WRAP53: variants seen among roughly 807,000 people sequenced by gnomAD.
WRAP53 encodes telomerase Cajal body protein 1.
WRAP53 carries 28 observed loss-of-function variants against 56.6 expected under a neutral mutation model. That is an observed-to-expected ratio of 0.50 (90% CI 0.37 to 0.68). The LOEUF (loss-of-function observed/expected upper bound fraction) is 0.68. WRAP53 is among the 30% of genes least tolerant of loss of function. The pLI is 0.00. For missense variants in WRAP53, 671 were observed against 715.5 expected (o/e 0.94, Z 0.71); for synonymous variants, 283 against 283.4 (o/e 1.00, Z 0.01).
At position 7,702,469 on chromosome 17, in the gene WRAP53, G is replaced by A. The variant is rs760476968; in HGVS notation, c.1081G>A (p.Ala361Thr). 11 of 1,613,896 alleles carry A rather than the reference G, an allele frequency of 6.8e-6. No individual in the cohort carries two copies. Among genetic ancestry groups the A allele is most frequent in the Admixed American group, 3.3e-5 (2 of 60,014 alleles). ...LYAWDDGSPL[A>T]LLGGHQGGIT... ...TGCCTGGGATGATGGCTCCCCTCTCGCCTTGCTGGGAGGGCACCAAGGGGG... is the reference window on the plus strand; with the variant it reads ...TGCCTGGGATGATGGCTCCCCTCTCACCTTGCTGGGAGGGCACCAAGGGGG... Residue 361 changes from alanine (A) to threonine (T), a missense_variant, in exon 8 of 11, where the codon GCC becomes ACC. Transcript: ENST00000396463. This position sits in a 1 kb window ranked among gnomAD's most constrained non-coding sequence, Gnocchi z 5.0.
At chr17:7,696,903 G>A (rs898814713) in intron 4 of WRAP53, among the ~76,000 whole-genome samples, 1 of 152,210 alleles carries the variant, frequency 6.6e-6, no homozygotes, top group African/African-American at 2.4e-5. Flanking sequence ...CCACCAGGCA[G>A]TTGGATATAT....
rs960318586 is a variant in WRAP53 at position 7,688,479 on chromosome 17, T to C, written c.-84T>C. The C allele has an allele frequency of 1.4e-6, 1 of 702,330 alleles. No individual in the cohort carries two copies. The highest frequency in any genetic ancestry group is 2.3e-6 in the Non-Finnish European group (1 of 426,904). The allele number at this position is 702,330 out of a possible 1,614,324, so 43.5% of individuals were successfully genotyped here. A position where few individuals can be genotyped will look rare whatever the true frequency, so the allele number is the denominator to read the frequency against. ...CGACCCGCGGTGCTAAGGAACACAGTGCTTTCAAAAGAATTGGCGTCCGCT... is the reference window on the plus strand; with the variant it reads ...CGACCCGCGGTGCTAAGGAACACAGCGCTTTCAAAAGAATTGGCGTCCGCT... On this transcript the variant is annotated 5_prime_UTR_variant, in exon 1 of 11. Transcript: ENST00000396463.
intron 4 of WRAP53, among the ~76,000 whole-genome samples, chr17:7,695,345 A>G (rs78959293): frequency 1.8e-4 from 28 of 152,148 alleles, no homozygotes; most frequent in African/African-American, 6.7e-4. Flanking sequence ...TCTTCTTCCC[A>G]ATATAGTTTC....
chr17:7,701,978 C>G lies in WRAP53; in HGVS notation c.955+189C>G. On this transcript the variant is annotated intron_variant, in intron 7 of 10. Coordinates refer to ENST00000396463, the MANE Select transcript of WRAP53 (RefSeq NM_001143992.2). The surrounding 1 kb of genome is among the most constrained non-coding windows in gnomAD (Gnocchi z 4.2). ...AGGTAGGAAACCTTCCCAAGGCCAA[C>G]CAGCTGGTCAAAGGACTGCTTCCTT... is the stretch of plus-strand genomic sequence containing the variant. 1.1e-6 allele frequency: 1 copy of G among 925,006 alleles called. No homozygotes were observed. Among genetic ancestry groups the G allele is most frequent in the Non-Finnish European group, 1.7e-6 (1 of 589,528 alleles). The allele number at this position is 925,006 out of a possible 1,614,324, so 57.3% of individuals were successfully genotyped here.
chr17:7,694,587 C>T (rs957617992), intron 4 of WRAP53, among the ~76,000 whole-genome samples: 6 of 152,052 alleles, frequency 3.9e-5, no homozygotes, highest in South Asian at 2.1e-4. Context: ...TGTGGTGGCT[C>T]ATGCCTATAA....
chr17:7,702,787 A>C lies in WRAP53; in HGVS notation c.1209A>C (p.Pro403=). The part of the protein sequence containing the change: ...LCWDLRQSGY[P]LWSLGREVTT... ...GGGATCTCCGGCAGTCTGGTTACCCACTGTGGTCCCTGGGTCGAGAGGTGA... is the reference window on the plus strand; with the variant it reads ...GGGATCTCCGGCAGTCTGGTTACCCCCTGTGGTCCCTGGGTCGAGAGGTGA... Residue 403 remains proline (P), a synonymous_variant, in exon 9 of 11, where the codon CCA becomes CCC. Transcript: ENST00000396463. This position sits in a 1 kb window ranked among gnomAD's most constrained non-coding sequence, Gnocchi z 5.0. 1 of 1,613,866 alleles carries C rather than the reference A, an allele frequency of 6.2e-7. No individual in the cohort carries two copies. Among genetic ancestry groups the C allele is most frequent in the African/African-American group, 1.3e-5 (1 of 74,978 alleles).
At chr17:7,691,224 A>C (rs2151087332) in intron 4 of WRAP53, among the ~76,000 whole-genome samples, 1 of 136,288 alleles carries the variant, frequency 7.3e-6, no homozygotes, top group East Asian at 2.0e-4. Flanking sequence ...AAACAAACAA[A>C]CAAACAAACA....
intron 4 of WRAP53, among the ~76,000 whole-genome samples, chr17:7,699,038 A>G (rs1304929291): frequency 6.6e-6 from 1 of 151,854 alleles, no homozygotes; most frequent in Non-Finnish European, 1.5e-5. Context: ...AGCCTAGGCA[A>G]CAGAGTAAGA....
At chr17:7,698,445 G>A (rs2074215014) in intron 4 of WRAP53, among the ~76,000 whole-genome samples, 1 of 152,132 alleles carries the variant, frequency 6.6e-6, no homozygotes, top group Admixed American at 6.5e-5. Flanking sequence ...TTACTGTTAA[G>A]TCTAGGCCGG....
intron 4 of WRAP53, among the ~76,000 whole-genome samples, chr17:7,693,607 T>C (rs1282243036): frequency 2.6e-5 from 4 of 151,710 alleles, no homozygotes; most frequent in Non-Finnish European, 4.4e-5. Context: ...TAATCCCAGC[T>C]ACTTGGGAGG....
intron 4 of WRAP53, among the ~76,000 whole-genome samples, chr17:7,698,163 AC>A (rs562650257): frequency 6.5e-4 from 99 of 152,348 alleles, no homozygotes; most frequent in Non-Finnish European, 1.1e-3. Context: ...ATAGTATCTT[AC>A]AAAGTTTGCA....
rs1290760438 is a variant in WRAP53 at position 7,701,174 on chromosome 17, G to A, written c.732-285G>A. Among the ~76,000 whole-genome samples the A allele has an allele frequency of 2.0e-5, 3 of 152,180 alleles. No homozygotes were observed. The highest frequency in any genetic ancestry group is 2.9e-5 in the Non-Finnish European group (2 of 68,038). On this transcript the variant is annotated intron_variant, in intron 5 of 10. Transcript: ENST00000396463. The surrounding 1 kb of genome is among the most constrained non-coding windows in gnomAD (Gnocchi z 4.2). Reference sequence around the variant, plus strand: ...TTTCATAGAGATGGGGTTTCACCACGTTGGCCAGGCTGGTCTCGAACTGAC... The same window carrying A: ...TTTCATAGAGATGGGGTTTCACCACATTGGCCAGGCTGGTCTCGAACTGAC...
Position 7,689,312 on chromosome 17 carries a change from G to A in WRAP53, c.520G>A (p.Gly174Ser). Reference sequence around the variant, plus strand: ...CACCCAACCTGAGAACTTCTTGAAAGGCTGTAAGTGGTAAGGATAACAACG... The same window carrying A: ...CACCCAACCTGAGAACTTCTTGAAAAGCTGTAAGTGGTAAGGATAACAACG... ...FSTQPENFLK[G>S]CKWAPDGSCI... Residue 174 changes from glycine (G) to serine (S), a missense_variant, in exon 3 of 11, where the codon GGC becomes AGC. By Grantham distance (56) the Gly-to-Ser change is moderately conservative. Transcript: ENST00000396463. 3 of 1,614,028 alleles carry A rather than the reference G, an allele frequency of 1.9e-6. No individual in the cohort carries two copies. Among genetic ancestry groups the A allele is most frequent in the Non-Finnish European group, 2.5e-6 (3 of 1,180,014 alleles).
rs371846554 is a variant in WRAP53, at chr17:7,703,053, C to T, written c.1329C>T (p.Asp443=). Residue 443 remains aspartate (D), a synonymous_variant, in exon 10 of 11, where the codon GAC becomes GAT. Coordinates refer to ENST00000396463, the MANE Select transcript of WRAP53 (RefSeq NM_001143992.2). ...GGGCTGTCTCTGTGTGGGACACGGACGGGCCTGGCAATGATGGGAAGCCGG... is the reference window on the plus strand; with the variant it reads ...GGGCTGTCTCTGTGTGGGACACGGATGGGCCTGGCAATGATGGGAAGCCGG... ...TSGAVSVWDT[D]GPGNDGKPEP... is the part of the protein sequence containing the mutation. The T allele has an allele frequency of 4.3e-5, 70 of 1,613,958 alleles. No homozygotes were observed. Among genetic ancestry groups the T allele is most frequent in the African/African-American group, 5.3e-5 (4 of 74,898 alleles).
chr17:7,697,697 A>G (rs900452232), intron 4 of WRAP53, among the ~76,000 whole-genome samples: 1 of 152,164 alleles, frequency 6.6e-6, no homozygotes, highest in African/African-American at 2.4e-5. Flanking sequence ...GGCAAAATTT[A>G]TGAAAAGGTG....
rs1193944991 is a variant in WRAP53 at position 7,689,654 on chromosome 17, C to T, written c.595C>T (p.Pro199Ser). ...TAACATCTTGCGAATTTATAACCTG[C>T]CCCCAGAGCTGTACCATGAGGGGGA... The part of the protein sequence containing the change: ...ADNILRIYNL[P>S]PELYHEGEQV... The change falls in exon 4 of 11, where the codon CCC (proline) becomes TCC (serine). Residue 199 changes from proline to serine, a missense_variant. Physicochemically the swap from Pro to Ser is moderately conservative, Grantham distance 74 (BLOSUM62 -1). Coordinates refer to ENST00000396463, the MANE Select transcript of WRAP53 (RefSeq NM_001143992.2). 10 of 1,614,020 alleles carry T rather than the reference C, an allele frequency of 6.2e-6. No homozygotes were observed. Among genetic ancestry groups the T allele is most frequent in the Non-Finnish European group, 8.5e-6 (10 of 1,179,956 alleles).
In WRAP53 at chr17:7,702,997, G is replaced by A. The variant is rs567221089; in HGVS notation, c.1273G>A (p.Gly425Arg). The A allele has an allele frequency of 7.4e-6, 12 of 1,613,850 alleles. No homozygotes were observed. Among genetic ancestry groups the A allele is most frequent in the African/African-American group, 2.7e-5 (2 of 75,018 alleles). Residue 425 changes from glycine to arginine, a missense_variant, in exon 10 of 11, where the codon GGG (glycine) becomes AGG (arginine). Gly to Arg is a moderately radical substitution (Grantham distance 125). Transcript: ENST00000396463. This position sits in a 1 kb window ranked among gnomAD's most constrained non-coding sequence, Gnocchi z 5.0. ...QRIYFDLDPT[G>R]QFLVSGSTSG... ...AATCTCTCCTCTCTCTCGCAGGACCGGGCAGTTCCTAGTGAGTGGCAGCAC... is the reference window on the plus strand; with the variant it reads ...AATCTCTCCTCTCTCTCGCAGGACCAGGCAGTTCCTAGTGAGTGGCAGCAC...
At chr17:7,700,940 C>T in intron 5 of WRAP53, 111 bp downstream of exon 5, 1 of 804,734 alleles carries the variant, frequency 1.2e-6, no homozygotes, top group South Asian at 1.4e-5. Context: ...GCTTGGCATG[C>T]TTATCAGAGG....
intron 4 of WRAP53, among the ~76,000 whole-genome samples, chr17:7,699,502 TTATATATATATATATATATTTATATA>T (rs2074241285): frequency 6.0e-4 from 7 of 11,762 alleles, no homozygotes; most frequent in African/African-American, 1.4e-3. Context: ...ATATATATAT[TTATATATATATATATATATTTATATA>T]TATATATATA....
Sources: gnomAD v4.1 joint callset for allele counts (sites outside exome capture counted in the v4.1 genomes callset) on GRCh38, gnomAD v4.1.1 for gene constraint, Gnocchi (gnomAD v3.1) non-coding constraint, MANE v1.5 for transcripts, NCBI Gene and HGNC (gene_info 2026-07-23, HGNC 2026-07-21) for gene names.